The following PTPRG variants were observed in gnomAD, a reference collection of about 807,000 sequenced individuals.
PTPRG encodes the protein protein tyrosine phosphatase receptor type G, also known as receptor-type tyrosine-protein phosphatase gamma.
Under a neutral mutation model 165.3 loss-of-function variants are expected in PTPRG, and 102 were observed. The ratio of observed to expected loss-of-function variants is 0.62; its 90% CI spans 0.53 to 0.73. The LOEUF is 0.73. Ranked by LOEUF, PTPRG falls within the 30% of genes least tolerant of loss-of-function variation. PTPRG has a pLI of 0.00. For synonymous variants in PTPRG, 675 were observed against 669.5 expected (o/e 1.01, Z -0.13); for missense variants, 1,866 against 1,861.4 (o/e 1.00, Z -0.05).
chr3:61,947,787 A>G (rs1047673507), intron 2 of PTPRG, among the ~76,000 whole-genome samples: 2 of 152,192 alleles, frequency 1.3e-5, no homozygotes, highest in Non-Finnish European at 2.9e-5. Flanking sequence ...AATTTCTTGC[A>G]AAAGTCTTAT....
intron 2 of PTPRG, among the ~76,000 whole-genome samples, chr3:61,840,106 C>G (rs564189784): frequency 6.6e-6 from 1 of 152,222 alleles, no homozygotes; most frequent in Non-Finnish European, 1.5e-5. Context: ...GCATTTTCCC[C>G]TTGATATTAT....
chr3:61,911,384 C>G (rs1372170997), intron 2 of PTPRG, among the ~76,000 whole-genome samples: 2 of 152,138 alleles, frequency 1.3e-5, no homozygotes, highest in East Asian at 3.9e-4. Context: ...AATGCTAATT[C>G]CATCACTTTG....
At chr3:61,940,370 A>T (rs1278701505) in intron 2 of PTPRG, among the ~76,000 whole-genome samples, 1 of 152,184 alleles carries the variant, frequency 6.6e-6, no homozygotes. Flanking sequence ...GTGAGATAGC[A>T]CTGCTGGCAG....
At chr3:61,662,172 T>G (rs896845005) in intron 1 of PTPRG, among the ~76,000 whole-genome samples, 2 of 152,216 alleles carry the variant, frequency 1.3e-5, no homozygotes, top group Non-Finnish European at 1.5e-5. Context: ...TTTCAGAAAC[T>G]GAGGTTTAAT....
chr3:62,016,443 G>A (rs1281303687), intron 4 of PTPRG, among the ~76,000 whole-genome samples: 5 of 152,242 alleles, frequency 3.3e-5, no homozygotes, highest in African/African-American at 7.2e-5. Flanking sequence ...CGGGATTACA[G>A]GTGTGAGCCA....
Position 62,203,740 on chromosome 3 carries a change from A to T in PTPRG, c.1945A>T (p.Thr649Ser). 1 of 1,600,708 alleles carries T rather than the reference A, an allele frequency of 6.2e-7. No individual in the cohort carries two copies. Among genetic ancestry groups the T allele is most frequent in the Non-Finnish European group, 8.5e-7 (1 of 1,173,226 alleles). ...TATACCTGGGCATGAGCAGGATCAC[A>T]CTGCCGTCCCCACAGACCAGACGGG... ...QTIPGHEQDHTAVPTDQTGGR... is the reference protein window; with the variant it reads ...QTIPGHEQDHSAVPTDQTGGR... The change falls in exon 12 of 30, where the codon ACT becomes TCT. Residue 649 changes from threonine to serine, a missense_variant. By Grantham distance (58) the Thr-to-Ser change is moderately conservative. Around this residue, in one of 3 missense-constraint regions of PTPRG, gnomAD observed 1,452 missense variants for 1,463.0 expected, o/e 0.99. Transcript: ENST00000474889. The surrounding 1 kb of genome is among the most constrained non-coding windows in gnomAD (Gnocchi z 6.4).
intron 2 of PTPRG, among the ~76,000 whole-genome samples, chr3:61,898,701 G>C (rs2038425043): frequency 6.6e-6 from 1 of 152,164 alleles, no homozygotes; most frequent in Non-Finnish European, 1.5e-5. Context: ...TGTGGCAAAG[G>C]TCTTTAAATG....
At chr3:61,953,017 G>C (rs368953628) in intron 2 of PTPRG, among the ~76,000 whole-genome samples, 1 of 152,096 alleles carries the variant, frequency 6.6e-6, no homozygotes, top group Admixed American at 6.5e-5. Context: ...GCTTCCAATA[G>C]GTCTCAGGAT....
intron 2 of PTPRG, among the ~76,000 whole-genome samples, chr3:61,762,248 C>CA (rs1404288884): frequency 1.2e-4 from 18 of 152,114 alleles, no homozygotes; most frequent in Non-Finnish European, 2.4e-4. Context: ...TTTTCTCTCA[C>CA]CATCTACTAG....
At chr3:62,072,457 G>A (rs1683769391) in intron 4 of PTPRG, among the ~76,000 whole-genome samples, 1 of 152,182 alleles carries the variant, frequency 6.6e-6, no homozygotes, top group Non-Finnish European at 1.5e-5. Flanking sequence ...CCACAAGGCA[G>A]AGTTGAATGA....
intron 1 of PTPRG, among the ~76,000 whole-genome samples, chr3:61,610,169 G>A (rs67997235): frequency 0.089 from 13,416 of 151,150 alleles, 715 homozygotes; most frequent in East Asian, 0.21. Flanking sequence ...TAAAATGAGA[G>A]CAATTATAGT....
chr3:62,100,166 C>G (rs1364704800), intron 5 of PTPRG, among the ~76,000 whole-genome samples: 2 of 152,046 alleles, frequency 1.3e-5, no homozygotes, highest in Non-Finnish European at 2.9e-5. Context: ...CCCCCGAACT[C>G]AGCCACAACT....
Position 61,703,121 on chromosome 3 carries a change from A to G in PTPRG, c.86-45757A>G, listed in dbSNP as rs1298675219. 3.3e-5 allele frequency among the ~76,000 whole-genome samples: 5 copies of G among 150,510 alleles called. No homozygotes were observed. The South Asian group carries it at 8.4e-4, about 25-fold the overall frequency. The stretch of plus-strand genomic sequence containing the variant: ...TGCTGCCTGTAATTTTAAAGCCTGT[A>G]TTTCTCCCCAGGTAAGGAAGTTGAA... On this transcript the variant is annotated intron_variant, in intron 1 of 29. Coordinates refer to ENST00000474889, the MANE Select transcript of PTPRG (RefSeq NM_002841.4).
chr3:61,936,027 A>G (rs989369851), intron 2 of PTPRG, among the ~76,000 whole-genome samples: 1 of 152,088 alleles, frequency 6.6e-6, no homozygotes, highest in Non-Finnish European at 1.5e-5. Context: ...ATTAAAGTTG[A>G]ATGAAGTGCT....
chr3:61,977,571 C>T (rs2107672455), intron 2 of PTPRG, among the ~76,000 whole-genome samples: 1 of 145,562 alleles, frequency 6.9e-6, no homozygotes, highest in African/African-American at 2.6e-5. Flanking sequence ...TGATATATTT[C>T]TGTAATAATA....
chr3:62,245,955 T>A lies in PTPRG; in HGVS notation c.2467+2057T>A, dbSNP rs1021606038. Among the ~76,000 whole-genome samples, 2 of 152,198 alleles carry A rather than the reference T, an allele frequency of 1.3e-5. No individual in the cohort carries two copies. The highest frequency in any genetic ancestry group is 6.5e-5 in the Admixed American group (1 of 15,274). ...GCCTTGCAACACCTTTGAGTAGGTA[T>A]ATTAGACCAGAAATTGCTTTTGAAT... is the stretch of plus-strand genomic sequence containing the variant. On this transcript the variant is annotated intron_variant, in intron 15 of 29. Transcript: ENST00000474889. This position sits in a 1 kb window ranked among gnomAD's most constrained non-coding sequence, Gnocchi z 4.2.
intron 12 of PTPRG, among the ~76,000 whole-genome samples, chr3:62,207,200 A>G (rs1700252389): frequency 6.6e-6 from 1 of 152,220 alleles, no homozygotes; most frequent in Admixed American, 6.5e-5. Flanking sequence ...TTGTAGCACA[A>G]AAGCCACCAT....
chr3:61,869,854 G>C (rs928745858), intron 2 of PTPRG, among the ~76,000 whole-genome samples: 1 of 152,094 alleles, frequency 6.6e-6, no homozygotes, highest in African/African-American at 2.4e-5. Context: ...ACCCGCCTAA[G>C]TCTCCCAAAC....
At chr3:62,168,225 A>G (rs1477584038) in intron 8 of PTPRG, 62 bp downstream of exon 8, 1 of 1,460,178 alleles carries the variant, frequency 6.8e-7, no homozygotes, top group Non-Finnish European at 9.2e-7. Flanking sequence ...ACTTTAAATT[A>G]AAAGGAATTC....
Sources: allele counts gnomAD v4.1 joint callset (sites outside exome capture counted in the v4.1 genomes callset), GRCh38; gene constraint gnomAD v4.1.1; regional missense constraint gnomAD v4.1.1; non-coding constraint Gnocchi (gnomAD v3.1); transcripts MANE v1.5; gene names NCBI Gene and HGNC (gene_info 2026-07-23, HGNC 2026-07-21).